The following ARHGAP20 variants were observed in gnomAD, a reference collection of about 807,000 sequenced individuals.
ARHGAP20 encodes the protein rho GTPase-activating protein 20.
ARHGAP20 carries 34 observed loss-of-function variants against 73.7 expected under a neutral mutation model. The observed-to-expected ratio is 0.46, with a 90% confidence interval of 0.35 to 0.61. The LOEUF is 0.61. Among genes scored for constraint, ARHGAP20 ranks in the 20% least tolerant of loss-of-function variants. The pLI, the probability that ARHGAP20 is intolerant of heterozygous loss-of-function variation, is 0.00. For synonymous variants in ARHGAP20, 523 were observed against 518.2 expected (o/e 1.01, Z -0.13); for missense variants, 1,314 against 1,420.9 (o/e 0.92, Z 1.21).
Position 110,616,862 on chromosome 11 carries a change from A to G in ARHGAP20, c.504-1268T>C, listed in dbSNP as rs1402182138. ...TAAGAGCTTTGCTTCAGACCTGCTA[A>G]CTTTTTTCAAAGGAGTTAAAGAAAA... On this transcript the variant is annotated intron_variant, in intron 4 of 14. Coordinates refer to ENST00000683387, the MANE Select transcript of ARHGAP20 (RefSeq NM_001384657.1). Among the ~76,000 whole-genome samples, 4 of 152,114 alleles carry G rather than the reference A, an allele frequency of 2.6e-5. No homozygotes were observed. In the East Asian group the frequency reaches 7.7e-4, roughly 29 times the overall value.
At chr11:110,584,937 G>A (rs1232207470) in intron 12 of ARHGAP20, among the ~76,000 whole-genome samples, 1 of 139,310 alleles carries the variant, frequency 7.2e-6, no homozygotes, top group Non-Finnish European at 1.6e-5. Context: ...GTGAATATAT[G>A]TGTATATGAA....
chr11:110,597,293 T>TAA (rs1947992219), intron 9 of ARHGAP20, among the ~76,000 whole-genome samples: 2 of 123,076 alleles, frequency 1.6e-5, no homozygotes, highest in African/African-American at 3.7e-5. Flanking sequence ...AATAATAAAA[T>TAA]TAAAAAAAAA....
intron 2 of ARHGAP20, among the ~76,000 whole-genome samples, chr11:110,666,620 G>T (rs540495254): frequency 6.6e-6 from 1 of 152,188 alleles, no homozygotes; most frequent in Non-Finnish European, 1.5e-5. Flanking sequence ...TTGAAACTTT[G>T]TGGCAATCCT....
intron 11 of ARHGAP20, 41 bp downstream of exon 11, chr11:110,590,607 G>C: frequency 1.3e-6 from 2 of 1,569,770 alleles, no homozygotes; most frequent in Non-Finnish European, 1.7e-6. Context: ...TCTTTCTCTA[G>C]AGCTACACCA....
intron 7 of ARHGAP20, among the ~76,000 whole-genome samples, chr11:110,609,589 C>T (rs1223643344): frequency 6.6e-6 from 1 of 152,102 alleles, no homozygotes; most frequent in African/African-American, 2.4e-5. Context: ...AGAATAGGCC[C>T]AGTCATAGAA....
intron 1 of ARHGAP20, among the ~76,000 whole-genome samples, chr11:110,702,427 T>A (rs1272340041): frequency 1.3e-5 from 2 of 152,142 alleles, no homozygotes; most frequent in African/African-American, 4.8e-5. Flanking sequence ...ACAGCCAATA[T>A]CATACTGAAT....
intron 2 of ARHGAP20, among the ~76,000 whole-genome samples, chr11:110,649,138 C>A (rs1049253857): frequency 1.4e-5 from 2 of 146,594 alleles, no homozygotes; most frequent in Non-Finnish European, 3.0e-5. Flanking sequence ...CTTTAGATGA[C>A]TTTTAAACAG....
intron 6 of ARHGAP20, among the ~76,000 whole-genome samples, chr11:110,613,911 T>C (rs980783562): frequency 3.3e-5 from 5 of 152,306 alleles, no homozygotes; most frequent in African/African-American, 9.6e-5. Context: ...AGTTTTCATA[T>C]TTTTCATAAT....
intron 1 of ARHGAP20, chr11:110,691,175 A>C: frequency 2.1e-6 from 1 of 485,016 alleles, no homozygotes; most frequent in African/African-American, 2.0e-5. Flanking sequence ...AACTTCAAAC[A>C]ATAAAAAAAT....
rs556034814 is a variant in ARHGAP20 at position 110,620,412 on chromosome 11, A to G, written c.503+3750T>C. Among the ~76,000 whole-genome samples the G allele has an allele frequency of 4.6e-5, 7 of 152,278 alleles. No individual in the cohort carries two copies. In the South Asian group the frequency reaches 1.5e-3, roughly 32 times the overall value. ...GTGATCCTCTCACCTCAGCCTTTCA[A>G]GCAGCTGGGATTACAGGCACCAGTC... is the stretch of plus-strand genomic sequence containing the variant. On this transcript the variant is annotated intron_variant, in intron 4 of 14. Transcript: ENST00000683387.
intron 2 of ARHGAP20, among the ~76,000 whole-genome samples, chr11:110,668,591 G>A (rs909696334): frequency 6.6e-6 from 1 of 152,120 alleles, no homozygotes; most frequent in Non-Finnish European, 1.5e-5. Flanking sequence ...GGAGGATGCA[G>A]TGAACCAAGA....
chr11:110,659,777 C>G lies in ARHGAP20; in HGVS notation c.189-28985G>C, dbSNP rs370287531. On this transcript the variant is annotated intron_variant, in intron 2 of 14. Coordinates refer to ENST00000683387, the MANE Select transcript of ARHGAP20 (RefSeq NM_001384657.1). Reference sequence around the variant, plus strand: ...TAGGGACATGGATGAAATTGGAAATCATCATTCTCAGTAAACTATCGCAAG... The same window carrying G: ...TAGGGACATGGATGAAATTGGAAATGATCATTCTCAGTAAACTATCGCAAG... Among the ~76,000 whole-genome samples, 332 of 152,056 alleles carry G rather than the reference C, an allele frequency of 2.2e-3. 1 individual carries two copies. Among genetic ancestry groups the G allele is most frequent in the Admixed American group, 5.2e-3 (79 of 15,262 alleles).
chr11:110,626,900 T>TG (rs1454979477), intron 3 of ARHGAP20, among the ~76,000 whole-genome samples: 6 of 152,168 alleles, frequency 3.9e-5, no homozygotes, highest in African/African-American at 1.4e-4. Context: ...TGGGCATTCT[T>TG]GGGGTCATAG....
intron 2 of ARHGAP20, among the ~76,000 whole-genome samples, chr11:110,654,872 A>C (rs1949431023): frequency 6.6e-6 from 1 of 152,216 alleles, no homozygotes. Flanking sequence ...AATAAATTCC[A>C]CGTGTTTCTT....
chr11:110,612,009 A>G (rs1428476186), intron 6 of ARHGAP20, among the ~76,000 whole-genome samples: 1 of 152,238 alleles, frequency 6.6e-6, no homozygotes, highest in Non-Finnish European at 1.5e-5. Context: ...TCTAGAAAAA[A>G]GAAATGAAAA....
At position 110,579,864 on chromosome 11, in the gene ARHGAP20, G is replaced by C; in HGVS notation, c.3082C>G (p.His1028Asp). 6.2e-7 allele frequency: 1 copy of C among 1,614,226 alleles called. No homozygotes were observed. The highest frequency in any genetic ancestry group is 8.5e-7 in the Non-Finnish European group (1 of 1,180,040). The change falls in exon 15 of 15, where the codon CAT becomes GAT. Residue 1028 changes from histidine (H) to aspartate (D), a missense_variant. By Grantham distance (81) the His-to-Asp change is moderately conservative (BLOSUM62 -1). This residue lies in a region of ARHGAP20 where 641 missense variants were observed against 636.9 expected (regional missense o/e 1.01). Coordinates refer to ENST00000683387, the MANE Select transcript of ARHGAP20 (RefSeq NM_001384657.1). ...KDTMEWHSQM[H>D]SVTLHPSTWL... ...GTGCTGGGATGAAGAGTTACAGAAT[G>C]CATTTGTGAATGCCACTCCATGGTG...
At chr11:110,616,203 T>C (rs1407506077) in intron 4 of ARHGAP20, among the ~76,000 whole-genome samples, 1 of 152,216 alleles carries the variant, frequency 6.6e-6, no homozygotes, top group Non-Finnish European at 1.5e-5. Context: ...AATTAGTTCA[T>C]TGAAAACTTA....
rs141295932 is a variant in ARHGAP20, at chr11:110,638,341, A to T, written c.189-7549T>A. Among the ~76,000 whole-genome samples the T allele has an allele frequency of 1.6e-3, 242 of 152,226 alleles. 1 individual carries two copies. In the East Asian group the frequency reaches 0.026, roughly 17 times the overall value. On this transcript the variant is annotated intron_variant, in intron 2 of 14. Coordinates refer to ENST00000683387, the MANE Select transcript of ARHGAP20 (RefSeq NM_001384657.1). The stretch of plus-strand genomic sequence containing the variant: ...AAATATTCAAAAATTAAAAAAACTG[A>T]AATTCAAAAATAAAAAAATGAAATT...
intron 11 of ARHGAP20, chr11:110,589,359 T>C (rs1947762191): frequency 6.2e-6 from 6 of 974,736 alleles, no homozygotes; most frequent in Non-Finnish European, 7.3e-6. Flanking sequence ...AGAGCAGATA[T>C]GGCTTATTTA....
Sources: gnomAD v4.1 joint callset for allele counts (sites outside exome capture counted in the v4.1 genomes callset) on GRCh38, gnomAD v4.1.1 for gene constraint, gnomAD v4.1.1 regional missense constraint, MANE v1.5 for transcripts, NCBI Gene and HGNC (gene_info 2026-07-23, HGNC 2026-07-21) for gene names.